NBAS: variants seen among roughly 807,000 people sequenced by gnomAD.
NBAS encodes the protein NBAS subunit of NRZ tethering complex.
NBAS carries 219 observed loss-of-function variants against 302.5 expected under a neutral mutation model. That is an observed-to-expected ratio of 0.72 (90% CI 0.65 to 0.81). The LOEUF is 0.81. Ranked by LOEUF, NBAS falls within the 30% of genes least tolerant of loss-of-function variation. The probability of loss-of-function intolerance (pLI) is 0.00; values close to 1 mark genes in which losing one functional copy is unlikely to be tolerated. For synonymous variants in NBAS, 1,118 were observed against 1,021.6 expected (o/e 1.09, Z -1.80); for missense variants, 2,932 against 2,841.6 (o/e 1.03, Z -0.72).
the NBAS span, among the ~76,000 whole-genome samples, chr2:14,895,339 G>GA: frequency 1.3e-5 from 2 of 151,772 alleles, no homozygotes; most frequent in African/African-American, 2.4e-5. Context: ...AGAAAACCTA[G>GA]AAAAAAAACT....
chr2:14,976,298 A>T, the NBAS span, among the ~76,000 whole-genome samples: 1 of 152,198 alleles, frequency 6.6e-6, no homozygotes, highest in Non-Finnish European at 1.5e-5. Flanking sequence ...GTTAGCCAGC[A>T]TTTGCAGGCC....
chr2:15,232,514 G>A lies in NBAS; in HGVS notation c.6147-3C>T. ...CACCAAGGTCAGCACTGCCACCACTGTGAAAAGAGAGATAAACTGATTCAG... is the reference window on the plus strand; with the variant it reads ...CACCAAGGTCAGCACTGCCACCACTATGAAAAGAGAGATAAACTGATTCAG... On this transcript the variant is annotated splice_polypyrimidine_tract_variant and splice_region_variant and intron_variant, in intron 46 of 51. Coordinates refer to ENST00000281513, the MANE Select transcript of NBAS (RefSeq NM_015909.4). 1 of 1,612,760 alleles carries A rather than the reference G, an allele frequency of 6.2e-7. No individual in the cohort carries two copies. The highest frequency in any genetic ancestry group is 1.7e-4 in the Middle Eastern group (1 of 6,060).
At chr2:15,473,414 T>C in intron 15 of NBAS, 67 bp from the exon 16 acceptor site, 7 of 1,581,246 alleles carry the variant, frequency 4.4e-6, no homozygotes, top group Admixed American at 1.7e-5. Context: ...CTGATGATGA[T>C]ACAATGAATG....
intron 11 of NBAS, among the ~76,000 whole-genome samples, chr2:15,492,999 C>T (rs1680926841): frequency 6.6e-6 from 1 of 152,180 alleles, no homozygotes; most frequent in Non-Finnish European, 1.5e-5. Flanking sequence ...CCCCATGTGT[C>T]AGGGGAGGGA....
chr2:15,298,495 T>A (rs1045179305), intron 40 of NBAS, among the ~76,000 whole-genome samples: 5 of 152,144 alleles, frequency 3.3e-5, no homozygotes, highest in African/African-American at 4.8e-5. Context: ...TTCTTCTGAA[T>A]CCCCATAAAG....
At chr2:14,827,575 AAAG>A in the NBAS span, among the ~76,000 whole-genome samples, 5 of 152,222 alleles carry the variant, frequency 3.3e-5, no homozygotes, top group Non-Finnish European at 7.3e-5. Context: ...ATGAATGGAT[AAAG>A]AAAAGGCAGT....
the NBAS span, among the ~76,000 whole-genome samples, chr2:14,829,773 A>T: frequency 6.6e-6 from 1 of 152,348 alleles, no homozygotes; most frequent in South Asian, 2.1e-4. Context: ...TTACCTGGCC[A>T]CACAAAAACC....
At chr2:15,401,192 A>G (rs1237448003) in intron 26 of NBAS, among the ~76,000 whole-genome samples, 1 of 152,098 alleles carries the variant, frequency 6.6e-6, no homozygotes, top group African/African-American at 2.4e-5. Flanking sequence ...ATAACCTTTT[A>G]TCATCAATCT....
chr2:15,199,896 AT>A lies in NBAS; in HGVS notation c.6433-9494del, dbSNP rs35760010. ...CCAAACATTAAAAACAGAAAGCTGGATTTTTTTTTTTTTTTTTTTTTTTGAG... is the reference window on the plus strand; with the variant it reads ...CCAAACATTAAAAACAGAAAGCTGGATTTTTTTTTTTTTTTTTTTTTTGAG... On this transcript the variant is annotated intron_variant, in intron 48 of 51. Transcript: ENST00000281513. 4.2e-3 allele frequency among the ~76,000 whole-genome samples: 514 copies of A among 121,416 alleles called. 2 individuals carry two copies. Among genetic ancestry groups the A allele is most frequent in the African/African-American group, 8.6e-3 (270 of 31,222 alleles). 79.7% of individuals were successfully genotyped at this position (121,416 alleles called of 152,430 possible). A position where few individuals can be genotyped will look rare whatever the true frequency, so the allele number is the denominator to read the frequency against.
chr2:15,316,319 G>A (rs921571077), intron 38 of NBAS, among the ~76,000 whole-genome samples: 17 of 152,204 alleles, frequency 1.1e-4, no homozygotes, highest in Non-Finnish European at 2.1e-4. Context: ...CAGAACACAG[G>A]TGATTTCTGC....
chr2:15,192,287 T>A (rs1291400298), intron 48 of NBAS, among the ~76,000 whole-genome samples: 1 of 151,686 alleles, frequency 6.6e-6, no homozygotes, highest in African/African-American at 2.4e-5. Context: ...AAATAATACC[T>A]GCTATAGAGT....
the NBAS span, among the ~76,000 whole-genome samples, chr2:14,783,312 CTTTTT>C: frequency 1.3e-5 from 2 of 150,970 alleles, no homozygotes; most frequent in Non-Finnish European, 2.9e-5. Flanking sequence ...CCTCCAAATT[CTTTTT>C]TTTATTATTA....
At chr2:15,421,389 A>G (rs1271060926) in intron 23 of NBAS, among the ~76,000 whole-genome samples, 2 of 152,236 alleles carry the variant, frequency 1.3e-5, no homozygotes, top group Non-Finnish European at 2.9e-5. Context: ...AACTGCAAGT[A>G]GGCTCTAATG....
At chr2:14,785,395 G>A in the NBAS span, among the ~76,000 whole-genome samples, 1 of 152,150 alleles carries the variant, frequency 6.6e-6, no homozygotes, top group Non-Finnish European at 1.5e-5. Flanking sequence ...CCTGTGTTGT[G>A]CCAGTTTTCA....
the NBAS span, among the ~76,000 whole-genome samples, chr2:14,920,180 T>C: frequency 6.6e-6 from 1 of 152,204 alleles, no homozygotes; most frequent in Non-Finnish European, 1.5e-5. Context: ...ACATTAATCT[T>C]ATGTACATCT....
At chr2:14,861,828 G>C in the NBAS span, among the ~76,000 whole-genome samples, 1 of 152,210 alleles carries the variant, frequency 6.6e-6, no homozygotes, top group Admixed American at 6.5e-5. Context: ...TTGTCTTGGT[G>C]AATACAGGCC....
the NBAS span, among the ~76,000 whole-genome samples, chr2:14,813,459 C>A: frequency 0.29 from 44,006 of 152,054 alleles, 7,020 homozygotes; most frequent in East Asian, 0.38. Context: ...TAGCAAATGA[C>A]TGGCAGCGTT....
the NBAS span, among the ~76,000 whole-genome samples, chr2:14,942,620 A>C: frequency 1.3e-5 from 2 of 152,236 alleles, no homozygotes; most frequent in African/African-American, 2.4e-5. Flanking sequence ...ATTCCTTTAT[A>C]GAAATGAGAG....
At chr2:15,439,880 A>G (rs540066052) in intron 21 of NBAS, among the ~76,000 whole-genome samples, 1 of 152,356 alleles carries the variant, frequency 6.6e-6, no homozygotes, top group African/African-American at 2.4e-5. Flanking sequence ...GGAGGGTCCT[A>G]CGTCCACGGA....
Sources: allele counts gnomAD v4.1 joint callset (sites outside exome capture counted in the v4.1 genomes callset), GRCh38; gene constraint gnomAD v4.1.1; transcripts MANE v1.5; gene names NCBI Gene and HGNC (gene_info 2026-07-23, HGNC 2026-07-21).